The following BOP1 variants were observed in gnomAD, a reference collection of about 807,000 sequenced individuals.
BOP1 encodes BOP1 ribosomal biogenesis factor, also known as ribosome biogenesis protein BOP1.
In BOP1, 54 loss-of-function variants were observed where a neutral mutation model predicts 82.9. That is an observed-to-expected ratio of 0.65 (90% confidence interval 0.52 to 0.82). The LOEUF is 0.82. Among genes scored for constraint, BOP1 ranks in the 40% least tolerant of loss-of-function variants. BOP1 has a pLI of 0.00. For synonymous variants in BOP1, 566 were observed against 451.1 expected (o/e 1.25, Z -3.23); for missense variants, 1,170 against 1,072.0 (o/e 1.09, Z -1.28).
At position 144,264,396 on chromosome 8, in the gene BOP1, C is replaced by G; in HGVS notation, c.807G>C (p.Gln269His). Residue 269 changes from glutamine (Q) to histidine (H), a missense_variant, in exon 7 of 16, where the codon CAG (glutamine) becomes CAC (histidine). Transcript: ENST00000569669. ...MVHAIKMGWI[Q>H]PRRPRDPTPS... ...GGGTGGGGTCTCGGGGCCGGCGAGG[C>G]TGGATCCAGCCCATCTTGATGGCGT... 1 of 1,602,596 alleles carries G rather than the reference C, an allele frequency of 6.2e-7. No homozygotes were observed. Among genetic ancestry groups the G allele is most frequent in the Non-Finnish European group, 8.5e-7 (1 of 1,179,670 alleles).
chr8:144,287,353 C>T (rs1814913862), intron 2 of BOP1, among the ~76,000 whole-genome samples: 1 of 152,098 alleles, frequency 6.6e-6, no homozygotes, highest in Non-Finnish European at 1.5e-5. Context: ...ATGTGTAAAT[C>T]CTTAATTTAA....
chr8:144,281,075 T>TTGG, intron 2 of BOP1, among the ~76,000 whole-genome samples: 1 of 151,132 alleles, frequency 6.6e-6, no homozygotes, highest in Admixed American at 6.6e-5. Context: ...TACCAGGTCT[T>TTGG]CGGCCTTCTC....
intron 3 of BOP1, among the ~76,000 whole-genome samples, chr8:144,266,345 G>GGGACGCGGCGGGCGCTGCTCGA (rs1845362356): frequency 2.0e-5 from 3 of 151,688 alleles, no homozygotes; most frequent in African/African-American, 7.3e-5. Flanking sequence ...AGAAGGCCGA[G>GGGACGCGGCGGGCGCTGCTCGA]GGACGCGGCG....
In BOP1 at chr8:144,282,229, G is replaced by C. The variant is rs1026537310; in HGVS notation, c.310-5925C>G. 3.3e-5 allele frequency among the ~76,000 whole-genome samples: 5 copies of C among 152,224 alleles called. No homozygotes were observed. In the South Asian group the frequency reaches 1.0e-3, roughly 31 times the overall value. On this transcript the variant is annotated intron_variant, in intron 2 of 15. Coordinates refer to ENST00000569669, the MANE Select transcript of BOP1 (RefSeq NM_015201.5). ...TCAGTGGAGGGCTGGGAGCACCCGT[G>C]TCAGGGGTGCTGCAGGGCAGGGAGC...
At chr8:144,266,483 C>T (rs1343769462) in intron 3 of BOP1, 5 of 985,338 alleles carry the variant, frequency 5.1e-6, no homozygotes, top group African/African-American at 3.5e-5. Flanking sequence ...GCGCGACGCC[C>T]GGCAGCTGCC....
At chr8:144,274,701 C>T (rs959096308) in intron 3 of BOP1, among the ~76,000 whole-genome samples, 56 of 152,348 alleles carry the variant, frequency 3.7e-4, no homozygotes, top group African/African-American at 1.3e-3. Context: ...GGCCGGCTTC[C>T]TCCCAGCACA....
chr8:144,274,815 C>T (rs1367853827), intron 3 of BOP1, among the ~76,000 whole-genome samples: 4 of 152,108 alleles, frequency 2.6e-5, no homozygotes, highest in African/African-American at 4.8e-5. Flanking sequence ...GCCCCTCCCC[C>T]GGCCTCCGCG....
rs1845657279 is a variant in BOP1, at chr8:144,280,865, A to G, written c.310-4561T>C. Among the ~76,000 whole-genome samples the G allele has an allele frequency of 2.0e-5, 3 of 151,578 alleles. No individual in the cohort carries two copies. The South Asian group carries it at 6.2e-4, about 31-fold the overall frequency. ...ACTCTTGTCTCAGAAAAAAAAAAAAATCTGGAATCATCACTTTAATACCAG... is the reference window on the plus strand; with the variant it reads ...ACTCTTGTCTCAGAAAAAAAAAAAAGTCTGGAATCATCACTTTAATACCAG... On this transcript the variant is annotated intron_variant, in intron 2 of 15. Transcript: ENST00000569669.
At chr8:144,273,565 C>T (rs1254797187) in intron 3 of BOP1, among the ~76,000 whole-genome samples, 4 of 152,258 alleles carry the variant, frequency 2.6e-5, no homozygotes, top group African/African-American at 9.6e-5. Context: ...GCTGCATCCT[C>T]TGCCTGAGCA....
rs1845302537 is a variant in BOP1, at chr8:144,264,115, C to T, written c.1006G>A (p.Gly336Ser). 3 of 1,610,492 alleles carry T rather than the reference C, an allele frequency of 1.9e-6. No homozygotes were observed. Among genetic ancestry groups the T allele is most frequent in the Admixed American group, 1.7e-5 (1 of 59,808 alleles). Reference sequence around the variant, plus strand: ...GGCAAAAAGCTCAGCTTCCTCTCGCCTGGCTCCTGCTGTTCCCACGCCAAG... The same window carrying T: ...GGCAAAAAGCTCAGCTTCCTCTCGCTTGGCTCCTGCTGTTCCCACGCCAAG... The part of the protein sequence containing the change: ...ERLAWEQQEP[G>S]ERKLSFLPRK... Residue 336 changes from glycine (G) to serine (S), a missense_variant, in exon 8 of 16, where the codon GGC (glycine) becomes AGC (serine). By Grantham distance (56) the Gly-to-Ser change is moderately conservative. Coordinates refer to ENST00000569669, the MANE Select transcript of BOP1 (RefSeq NM_015201.5).
intron 3 of BOP1, chr8:144,266,500 G>A: frequency 1.0e-6 from 1 of 987,410 alleles, no homozygotes; most frequent in South Asian, 4.6e-5. Context: ...TGCCACCGCG[G>A]GGCGCAGCCG....
rs1344926317 is a variant in BOP1, at chr8:144,276,264, C to G, written c.350G>C (p.Arg117Pro). The G allele has an allele frequency of 6.8e-6, 11 of 1,613,528 alleles. No homozygotes were observed. The highest frequency in any genetic ancestry group is 9.3e-6 in the Non-Finnish European group (11 of 1,179,834). The change falls in exon 3 of 16, where the codon CGG becomes CCG. Residue 117 changes from arginine to proline, a missense_variant. Arg to Pro is a moderately radical substitution (Grantham distance 103). Coordinates refer to ENST00000569669, the MANE Select transcript of BOP1 (RefSeq NM_015201.5). ...GTCCTCCGCATACTCATCCCCAATC[C>G]GGGCGCTCGCCATCTCTGTCCTCGG... ...PCPRTEMASA[R>P]IGDEYAEDSS...
At chr8:144,274,863 A>AATAT (rs1845544720) in intron 3 of BOP1, among the ~76,000 whole-genome samples, 1 of 152,088 alleles carries the variant, frequency 6.6e-6, no homozygotes, top group Non-Finnish European at 1.5e-5. Context: ...CAAAATACCA[A>AATAT]ATATAAAAAA....
rs1554836552 is a variant in BOP1, at chr8:144,262,661, T to A, written c.1906A>T (p.Ile636Phe). ...AGCTTGCTATCGTAGCTCCCACAGA[T>A]GACGTTGTCACCTAGGGCCAAAGGC... ...LAVHPAGDNV[I>F]CGSYDSKLVW... is the part of the protein sequence containing the mutation. Residue 636 changes from isoleucine to phenylalanine, a missense_variant, in exon 14 of 16, where the codon ATC (isoleucine) becomes TTC (phenylalanine). Transcript: ENST00000569669. The A allele has an allele frequency of 6.2e-7, 1 of 1,613,338 alleles. No homozygotes were observed. The highest frequency in any genetic ancestry group is 1.7e-5 in the Admixed American group (1 of 59,998).
chr8:144,283,998 T>C (rs1295934688), intron 2 of BOP1, among the ~76,000 whole-genome samples: 3 of 152,152 alleles, frequency 2.0e-5, no homozygotes, highest in African/African-American at 7.2e-5. Context: ...GCGCCTGTAA[T>C]CCCGGCTACT....
intron 3 of BOP1, among the ~76,000 whole-genome samples, chr8:144,275,095 G>A (rs1845548395): frequency 6.6e-6 from 1 of 152,146 alleles, no homozygotes; most frequent in African/African-American, 2.4e-5. Context: ...GCCGAAGGAT[G>A]GGGGAAGAAC....
chr8:144,273,117 C>CG (rs1314674002), intron 3 of BOP1, among the ~76,000 whole-genome samples: 1 of 152,142 alleles, frequency 6.6e-6, no homozygotes, highest in Non-Finnish European at 1.5e-5. Flanking sequence ...GAGCCGAGGC[C>CG]GCGCCGCCAG....
chr8:144,275,748 A>G (rs1845559386), intron 3 of BOP1, among the ~76,000 whole-genome samples: 1 of 152,118 alleles, frequency 6.6e-6, no homozygotes, highest in East Asian at 1.9e-4. Context: ...GAACATCAGG[A>G]CATTAGGAGG....
chr8:144,270,323 G>GT (rs1321679577), intron 3 of BOP1, among the ~76,000 whole-genome samples: 1 of 152,148 alleles, frequency 6.6e-6, no homozygotes, highest in African/African-American at 2.4e-5. Flanking sequence ...CAGAGCCCCC[G>GT]TGGACTGGGG....
Sources: allele counts gnomAD v4.1 joint callset (sites outside exome capture counted in the v4.1 genomes callset), GRCh38; gene constraint gnomAD v4.1.1; transcripts MANE v1.5; gene names NCBI Gene and HGNC (gene_info 2026-07-23, HGNC 2026-07-21).